ITGBL1: variants seen among roughly 807,000 people sequenced by gnomAD.
ITGBL1 encodes the protein integrin subunit beta like 1, also known as integrin beta-like protein 1.
Under a neutral mutation model 68.5 loss-of-function variants are expected in ITGBL1, and 51 were observed. The observed-to-expected ratio is 0.74, with a 90% CI of 0.59 to 0.94. ITGBL1 has a LOEUF of 0.94. Ranked by LOEUF, ITGBL1 falls within the 40% of genes least tolerant of loss-of-function variation. The probability of loss-of-function intolerance (pLI) is 0.00; values close to 1 mark genes in which losing one functional copy is unlikely to be tolerated. For synonymous variants in ITGBL1, 209 were observed against 227.3 expected (o/e 0.92, Z 0.72); for missense variants, 649 against 647.4 (o/e 1.00, Z -0.03).
chr13:101,657,307 AT>A (rs1020583621), intron 7 of ITGBL1, among the ~76,000 whole-genome samples: 2 of 152,158 alleles, frequency 1.3e-5, no homozygotes, highest in Non-Finnish European at 2.9e-5. Context: ...ATTTATTAAT[AT>A]TTTATTCAAC....
chr13:101,539,349 A>C (rs2049643613), intron 2 of ITGBL1, among the ~76,000 whole-genome samples: 1 of 151,980 alleles, frequency 6.6e-6, no homozygotes, highest in Admixed American at 6.6e-5. Context: ...GATGGTTTCC[A>C]GCTTCATCCA....
At chr13:101,500,562 C>T (rs1452524677) in intron 2 of ITGBL1, among the ~76,000 whole-genome samples, 2 of 152,100 alleles carry the variant, frequency 1.3e-5, no homozygotes, top group Non-Finnish European at 2.9e-5. Flanking sequence ...CTAATGAATC[C>T]TCCTGAATTT....
chr13:101,484,705 TAG>T (rs1162688864), intron 2 of ITGBL1, among the ~76,000 whole-genome samples: 1 of 152,034 alleles, frequency 6.6e-6, no homozygotes, highest in Non-Finnish European at 1.5e-5. Flanking sequence ...ATTCAGAAAA[TAG>T]GTTTTAAAAA....
chr13:101,653,663 C>T (rs1263214821), intron 7 of ITGBL1, among the ~76,000 whole-genome samples: 1 of 151,866 alleles, frequency 6.6e-6, no homozygotes, highest in African/African-American at 2.4e-5. Flanking sequence ...TATGACCACA[C>T]AGTAAGAGAT....
intron 2 of ITGBL1, among the ~76,000 whole-genome samples, chr13:101,504,459 A>T (rs570402751): frequency 2.0e-4 from 31 of 152,336 alleles, no homozygotes; most frequent in African/African-American, 6.5e-4. Context: ...ATGGCCAAAT[A>T]GAATACCATT....
At chr13:101,563,112 AAATAT>A (rs2050127299) in intron 2 of ITGBL1, among the ~76,000 whole-genome samples, 1 of 151,318 alleles carries the variant, frequency 6.6e-6, no homozygotes, top group Non-Finnish European at 1.5e-5. Context: ...AATGAAAATA[AAATAT>A]AACATATCAA....
At chr13:101,587,949 A>G (rs73554075) in intron 6 of ITGBL1, among the ~76,000 whole-genome samples, 2,485 of 152,310 alleles carry the variant, frequency 0.016, 70 homozygotes, top group African/African-American at 0.056. Flanking sequence ...TCAAATTCAC[A>G]GGCATTTTTT....
intron 7 of ITGBL1, among the ~76,000 whole-genome samples, chr13:101,630,167 T>A (rs2031930587): frequency 6.6e-6 from 1 of 152,160 alleles, no homozygotes; most frequent in African/African-American, 2.4e-5. Context: ...TTGAAAGAAT[T>A]TTATTTGGAC....
intron 6 of ITGBL1, among the ~76,000 whole-genome samples, chr13:101,590,564 G>T (rs2050634694): frequency 6.6e-6 from 1 of 152,096 alleles, no homozygotes; most frequent in Non-Finnish European, 1.5e-5. Context: ...CAAGAGTGGA[G>T]AAACTTTTTC....
At chr13:101,570,699 G>A (rs1408991804) in intron 3 of ITGBL1, among the ~76,000 whole-genome samples, 2 of 152,124 alleles carry the variant, frequency 1.3e-5, no homozygotes, top group African/African-American at 4.8e-5. Context: ...AAAAATAGTT[G>A]GTTGGCTAAT....
intron 7 of ITGBL1, among the ~76,000 whole-genome samples, chr13:101,648,560 T>C (rs1358533664): frequency 6.6e-6 from 1 of 152,092 alleles, no homozygotes; most frequent in Non-Finnish European, 1.5e-5. Flanking sequence ...TTAGTCCATA[T>C]ATAAAGGCAA....
chr13:101,609,051 T>G (rs576024418), intron 7 of ITGBL1, among the ~76,000 whole-genome samples: 2 of 152,040 alleles, frequency 1.3e-5, no homozygotes, highest in Non-Finnish European at 2.9e-5. Flanking sequence ...GAACTGACAA[T>G]GCCCACTATT....
intron 3 of ITGBL1, among the ~76,000 whole-genome samples, chr13:101,569,869 G>T (rs2050245140): frequency 6.6e-6 from 1 of 152,022 alleles, no homozygotes; most frequent in South Asian, 2.1e-4. Context: ...GGTGTTGGCT[G>T]GTGTCTTAAC....
intron 4 of ITGBL1, among the ~76,000 whole-genome samples, chr13:101,577,246 A>G (rs569812791): frequency 6.6e-6 from 1 of 152,318 alleles, no homozygotes; most frequent in South Asian, 2.1e-4. Flanking sequence ...CATGAAACCA[A>G]TCTGCTGAGA....
intron 7 of ITGBL1, among the ~76,000 whole-genome samples, chr13:101,640,268 A>T (rs2032317789): frequency 6.6e-6 from 1 of 152,208 alleles, no homozygotes. Flanking sequence ...CAAGTGGAAT[A>T]AAATCAATTA....
At chr13:101,584,669 A>G (rs1028821529) in intron 6 of ITGBL1, among the ~76,000 whole-genome samples, 4 of 152,124 alleles carry the variant, frequency 2.6e-5, no homozygotes, top group Non-Finnish European at 5.9e-5. Flanking sequence ...TGTGAACACT[A>G]TTCTCTTGAG....
At chr13:101,487,889 C>G (rs1481978336) in intron 2 of ITGBL1, among the ~76,000 whole-genome samples, 1 of 152,204 alleles carries the variant, frequency 6.6e-6, no homozygotes, top group East Asian at 1.9e-4. Context: ...TCAAATGATG[C>G]TCCGAAGACA....
chr13:101,705,309 ACAAC>A (rs1473012391), intron 8 of ITGBL1, among the ~76,000 whole-genome samples: 4 of 140,010 alleles, frequency 2.9e-5, no homozygotes, highest in African/African-American at 8.1e-5. Flanking sequence ...AAAAAAAAAA[ACAAC>A]AACAACAAAA....
In ITGBL1 at chr13:101,485,687, G is replaced by A. The variant is rs368147301; in HGVS notation, c.316+31587G>A. ...GGCGCCCGTAGTCCCAGCTGCTTGGGAGGCTGAGGCAGGAGAATGGCGTGA... is the reference window on the plus strand; with the variant it reads ...GGCGCCCGTAGTCCCAGCTGCTTGGAAGGCTGAGGCAGGAGAATGGCGTGA... On this transcript the variant is annotated intron_variant, in intron 2 of 10. Coordinates refer to ENST00000376180, the MANE Select transcript of ITGBL1 (RefSeq NM_004791.3). 1.4e-4 allele frequency among the ~76,000 whole-genome samples: 22 copies of A among 152,232 alleles called. No homozygotes were observed. In the South Asian group the frequency reaches 4.6e-3, roughly 32 times the overall value.
Sources: allele counts gnomAD v4.1 joint callset (sites outside exome capture counted in the v4.1 genomes callset), GRCh38; gene constraint gnomAD v4.1.1; transcripts MANE v1.5; gene names NCBI Gene and HGNC (gene_info 2026-07-23, HGNC 2026-07-21).